The following ASIC2 variants were observed in gnomAD, a reference collection of about 807,000 sequenced individuals.
ASIC2 encodes acid sensing ion channel subunit 2.
Under a neutral mutation model 57.3 loss-of-function variants are expected in ASIC2, and 25 were observed. The observed-to-expected ratio is 0.44, with a 90% CI of 0.32 to 0.61. ASIC2 has a LOEUF of 0.61. ASIC2 is among the 20% of genes least tolerant of loss of function. ASIC2 has a pLI of 0.06. For synonymous variants in ASIC2, 319 were observed against 307.5 expected (o/e 1.04, Z -0.39); for missense variants, 641 against 738.1 (o/e 0.87, Z 1.52).
At chr17:33,122,298 C>T (rs1433659992) in intron 1 of ASIC2, among the ~76,000 whole-genome samples, 1 of 152,190 alleles carries the variant, frequency 6.6e-6, no homozygotes, top group Admixed American at 6.5e-5. Context: ...TGGGATGTGG[C>T]TCCGAGGCTG....
chr17:33,268,089 C>T lies in ASIC2; in HGVS notation c.708+23319G>A, dbSNP rs1000312663. Among the ~76,000 whole-genome samples, 56 of 152,220 alleles carry T rather than the reference C, an allele frequency of 3.7e-4. 1 individual carries two copies. The highest frequency in any genetic ancestry group is 6.8e-3 in the Middle Eastern group (2 of 294). Reference sequence around the variant, plus strand: ...CAGTTGGTCCTGTGCATGATAAATGCCTGGTGTTCATTCATTCCAGGGACA... The same window carrying T: ...CAGTTGGTCCTGTGCATGATAAATGTCTGGTGTTCATTCATTCCAGGGACA... On this transcript the variant is annotated intron_variant, in intron 1 of 9. Transcript: ENST00000225823.
intron 1 of ASIC2, among the ~76,000 whole-genome samples, chr17:33,719,199 C>T (rs912192789): frequency 5.9e-5 from 9 of 152,192 alleles, no homozygotes; most frequent in African/African-American, 1.7e-4. Flanking sequence ...ATGGATTGGC[C>T]CTCATGCCTT....
At chr17:33,127,841 G>A (rs1172529526) in intron 1 of ASIC2, among the ~76,000 whole-genome samples, 1 of 152,030 alleles carries the variant, frequency 6.6e-6, no homozygotes, top group Non-Finnish European at 1.5e-5. Context: ...AAAAGCAAAC[G>A]CCCCTGCTTA....
chr17:33,524,428 A>T (rs1049196054), intron 1 of ASIC2, among the ~76,000 whole-genome samples: 6 of 152,120 alleles, frequency 3.9e-5, no homozygotes, highest in Non-Finnish European at 5.9e-5. Context: ...CTTTGATTGG[A>T]GTTGAGAGAA....
chr17:33,220,243 C>T (rs1382700149), intron 1 of ASIC2, among the ~76,000 whole-genome samples: 1 of 152,192 alleles, frequency 6.6e-6, no homozygotes. Context: ...GGCTACCTCA[C>T]AAAGCATTCT....
intron 1 of ASIC2, among the ~76,000 whole-genome samples, chr17:34,118,072 G>A (rs1911480650): frequency 6.6e-6 from 1 of 152,176 alleles, no homozygotes; most frequent in Admixed American, 6.5e-5. Context: ...ATTTTCATGT[G>A]TCATGGTAGT....
At chr17:34,103,001 T>G (rs1048485833) in intron 1 of ASIC2, among the ~76,000 whole-genome samples, 1 of 152,252 alleles carries the variant, frequency 6.6e-6, no homozygotes, top group Non-Finnish European at 1.5e-5. Context: ...AATTGTCATT[T>G]TATTGTTGAG....
intron 1 of ASIC2, among the ~76,000 whole-genome samples, chr17:33,259,226 A>G (rs1909191715): frequency 6.6e-6 from 1 of 152,180 alleles, no homozygotes; most frequent in Admixed American, 6.5e-5. Context: ...GCACATTTCT[A>G]AATGCAACAT....
intron 1 of ASIC2, among the ~76,000 whole-genome samples, chr17:33,698,178 T>C (rs1908587467): frequency 6.6e-6 from 1 of 152,236 alleles, no homozygotes; most frequent in South Asian, 2.1e-4. Flanking sequence ...GATATAGTTA[T>C]TATTATATAG....
At chr17:34,150,826 A>G (rs569274851) in intron 1 of ASIC2, among the ~76,000 whole-genome samples, 3 of 152,144 alleles carry the variant, frequency 2.0e-5, no homozygotes, top group Non-Finnish European at 2.9e-5. Flanking sequence ...AGGTATAAAA[A>G]GTAAAGAGGG....
intron 1 of ASIC2, among the ~76,000 whole-genome samples, chr17:34,074,782 C>CTTTCTT (rs766863858): frequency 8.8e-6 from 1 of 113,940 alleles, no homozygotes; most frequent in African/African-American, 3.5e-5. Context: ...TTCTTTCTTT[C>CTTTCTT]TTTTTTTTTT....
chr17:33,376,638 G>C (rs184623554), intron 1 of ASIC2, among the ~76,000 whole-genome samples: 9 of 152,164 alleles, frequency 5.9e-5, no homozygotes, highest in African/African-American at 2.2e-4. Flanking sequence ...AAAAAGAGAA[G>C]CTAAACTACT....
rs145812310 is a variant in ASIC2, at chr17:33,786,926, A to G, written c.555+369052T>C. Among the ~76,000 whole-genome samples the G allele has an allele frequency of 3.2e-3, 493 of 152,318 alleles. 4 individuals carry two copies. Among genetic ancestry groups the G allele is most frequent in the African/African-American group, 0.011 (477 of 41,568 alleles). On this transcript the variant is annotated intron_variant, in intron 1 of 9. Coordinates refer to the ASIC2 transcript ENST00000359872. Reference sequence around the variant, plus strand: ...AAGGTGGGCTAATTTTATTCCTCTCAAGCACATACTTTCATACTGTGATAC... The same window carrying G: ...AAGGTGGGCTAATTTTATTCCTCTCGAGCACATACTTTCATACTGTGATAC...
At chr17:33,232,013 C>T (rs183202748) in intron 1 of ASIC2, among the ~76,000 whole-genome samples, 1 of 152,292 alleles carries the variant, frequency 6.6e-6, no homozygotes, top group Admixed American at 6.5e-5. Context: ...TGCTGACACA[C>T]TCCTAAATAA....
At chr17:33,970,152 A>T (rs55743924) in intron 1 of ASIC2, among the ~76,000 whole-genome samples, 33,927 of 152,062 alleles carry the variant, frequency 0.22, 4,184 homozygotes, top group East Asian at 0.34. Flanking sequence ...GTAGGATGCT[A>T]AGCAGCGTCC....
chr17:34,109,647 G>C (rs1567825515), intron 1 of ASIC2, among the ~76,000 whole-genome samples: 1 of 152,140 alleles, frequency 6.6e-6, no homozygotes, highest in Admixed American at 6.6e-5. Flanking sequence ...CACCACATGT[G>C]CTATCTGACA....
chr17:33,557,831 T>C (rs951864759), intron 1 of ASIC2, among the ~76,000 whole-genome samples: 4 of 152,160 alleles, frequency 2.6e-5, no homozygotes, highest in Non-Finnish European at 5.9e-5. Flanking sequence ...CATCTACTTA[T>C]CTCCAGAGGC....
chr17:33,532,698 A>G (rs1915089386), intron 1 of ASIC2, among the ~76,000 whole-genome samples: 1 of 152,238 alleles, frequency 6.6e-6, no homozygotes, highest in Non-Finnish European at 1.5e-5. Context: ...GTCTCAGCTC[A>G]GACCTGCATC....
chr17:33,154,588 G>A (rs1261415515), intron 1 of ASIC2, among the ~76,000 whole-genome samples: 4 of 152,114 alleles, frequency 2.6e-5, no homozygotes, highest in East Asian at 1.9e-4. Context: ...TAGCCATGCC[G>A]GAATGAAACC....
Sources: allele counts gnomAD v4.1 joint callset (sites outside exome capture counted in the v4.1 genomes callset), GRCh38; gene constraint gnomAD v4.1.1; transcripts MANE v1.5; gene names NCBI Gene and HGNC (gene_info 2026-07-23, HGNC 2026-07-21).